SLC8A1: variants seen among roughly 807,000 people sequenced by gnomAD.
SLC8A1 encodes the protein solute carrier family 8 member A1.
Under a neutral mutation model 68.3 loss-of-function variants are expected in SLC8A1, and 18 were observed. The ratio of observed to expected loss-of-function variants is 0.26; its 90% confidence interval spans 0.18 to 0.39. SLC8A1 has a LOEUF of 0.39. Among genes scored for constraint, SLC8A1 ranks in the 10% least tolerant of loss-of-function variants. The probability of loss-of-function intolerance (pLI) is 1.00; values close to 1 mark genes in which losing one functional copy is unlikely to be tolerated. For missense variants in SLC8A1, 985 were observed against 1,156.7 expected (o/e 0.85, Z 2.15); for synonymous variants, 475 against 415.5 (o/e 1.14, Z -1.74).
intron 1 of SLC8A1, among the ~76,000 whole-genome samples, chr2:40,480,177 T>C (rs1368776191): frequency 1.3e-5 from 2 of 152,088 alleles, no homozygotes; most frequent in African/African-American, 2.4e-5. Context: ...CATGAAACAT[T>C]GAAAGAGGAA....
chr2:40,228,890 T>A lies in SLC8A1; in HGVS notation c.1809-51035A>T, dbSNP rs2059313133. Among the ~76,000 whole-genome samples, 3 of 152,180 alleles carry A rather than the reference T, an allele frequency of 2.0e-5. No individual in the cohort carries two copies. The South Asian group carries it at 6.2e-4, about 31-fold the overall frequency. ...CAGAATGTTTTGATTATATGGAAGT[T>A]ATTCACTTTACAGTTCCTTTTGCAA... is the stretch of plus-strand genomic sequence containing the variant. On this transcript the variant is annotated intron_variant, in intron 2 of 7. Coordinates refer to ENST00000406785, the Ensembl canonical transcript of SLC8A1.
At chr2:40,118,904 C>T (rs62150869) in intron 7 of SLC8A1, among the ~76,000 whole-genome samples, 56,221 of 151,752 alleles carry the variant, frequency 0.37, 11,652 homozygotes, top group Middle Eastern at 0.51. Context: ...ATACATTGCA[C>T]ACTGGACTTC....
intron 2 of SLC8A1, among the ~76,000 whole-genome samples, chr2:40,422,306 G>A (rs1695735768): frequency 6.6e-6 from 1 of 152,134 alleles, no homozygotes; most frequent in South Asian, 2.1e-4. Flanking sequence ...AGCCATGGAG[G>A]AAATATGATG....
chr2:40,371,248 G>A (rs773410000), intron 2 of SLC8A1, among the ~76,000 whole-genome samples: 5 of 152,068 alleles, frequency 3.3e-5, no homozygotes, highest in African/African-American at 4.8e-5. Context: ...TAGGGGTTAA[G>A]ATTTTGATAA....
At chr2:40,441,127 C>A (rs894332297) in intron 1 of SLC8A1, among the ~76,000 whole-genome samples, 2 of 152,028 alleles carry the variant, frequency 1.3e-5, no homozygotes, top group Non-Finnish European at 2.9e-5. Context: ...TTCCTATACA[C>A]CAAAAATAGA....
chr2:40,242,629 C>T (rs2061369032), intron 2 of SLC8A1, among the ~76,000 whole-genome samples: 1 of 152,214 alleles, frequency 6.6e-6, no homozygotes, highest in Non-Finnish European at 1.5e-5. Context: ...CACTTCTTTG[C>T]ATTAGGCATC....
intron 1 of SLC8A1, among the ~76,000 whole-genome samples, chr2:40,502,687 A>G (rs1314114809): frequency 6.6e-6 from 1 of 152,076 alleles, no homozygotes; most frequent in Non-Finnish European, 1.5e-5. Flanking sequence ...CAGATTAAGT[A>G]AAGAATACTC....
intron 2 of SLC8A1, chr2:40,254,681 T>A (rs2063594504): frequency 6.6e-6 from 1 of 152,234 alleles, no homozygotes; most frequent in African/African-American, 2.4e-5. Flanking sequence ...TCTAATGCTG[T>A]CTAGTTGATC....
intron 2 of SLC8A1, among the ~76,000 whole-genome samples, chr2:40,343,278 C>T (rs1170445004): frequency 2.0e-5 from 3 of 152,042 alleles, no homozygotes; most frequent in Admixed American, 1.3e-4. Context: ...AACTCACTTC[C>T]ACCTCGTCTT....
chr2:40,505,150 A>C (rs993780989), intron 1 of SLC8A1, among the ~76,000 whole-genome samples: 1 of 152,066 alleles, frequency 6.6e-6, no homozygotes, highest in Admixed American at 6.6e-5. Context: ...CATCAAAAGA[A>C]TTGAACTCAT....
rs746292369 is a variant in SLC8A1 at position 40,347,292 on chromosome 2, A to G, written c.1808+81181T>C. Among the ~76,000 whole-genome samples, 23 of 152,218 alleles carry G rather than the reference A, an allele frequency of 1.5e-4. 1 individual carries two copies. The highest frequency in any genetic ancestry group is 6.5e-5 in the Admixed American group (1 of 15,282). On this transcript the variant is annotated intron_variant, in intron 2 of 7. Transcript: ENST00000406785. ...CTAGGATTACAAGGGTGAAACACCAACCTGGGCCCCTTGCTTCTTCTAAAC... is the reference window on the plus strand; with the variant it reads ...CTAGGATTACAAGGGTGAAACACCAGCCTGGGCCCCTTGCTTCTTCTAAAC...
chr2:40,250,094 T>G (rs2149020272), intron 2 of SLC8A1, among the ~76,000 whole-genome samples: 1 of 152,320 alleles, frequency 6.6e-6, no homozygotes, highest in Non-Finnish European at 1.5e-5. Flanking sequence ...TTCCTTAGCT[T>G]AAATTGTTAA....
At chr2:40,169,829 T>A (rs1368466690) in intron 4 of SLC8A1, among the ~76,000 whole-genome samples, 1 of 152,128 alleles carries the variant, frequency 6.6e-6, no homozygotes, top group Non-Finnish European at 1.5e-5. Flanking sequence ...TAGTCCTAGC[T>A]ACTCAGGAGG....
chr2:40,337,223 A>C (rs941370810), intron 2 of SLC8A1: 3 of 261,902 alleles, frequency 1.1e-5, no homozygotes, highest in African/African-American at 6.5e-5. Context: ...AAATACATTC[A>C]CTGTTTTGAA....
chr2:40,235,936 C>A (rs2060303745), intron 2 of SLC8A1, among the ~76,000 whole-genome samples: 1 of 151,372 alleles, frequency 6.6e-6, no homozygotes, highest in African/African-American at 2.4e-5. Context: ...ATCCTGAGTT[C>A]TAGTTTGATT....
chr2:40,418,930 T>C (rs568561567), intron 2 of SLC8A1, among the ~76,000 whole-genome samples: 1 of 152,236 alleles, frequency 6.6e-6, no homozygotes, highest in African/African-American at 2.4e-5. Flanking sequence ...CAGCTCATCA[T>C]CATTTATTCT....
At chr2:40,228,857 G>A (rs551435755) in intron 2 of SLC8A1, among the ~76,000 whole-genome samples, 6 of 152,272 alleles carry the variant, frequency 3.9e-5, no homozygotes, top group Admixed American at 6.5e-5. Flanking sequence ...TATTGTTAGA[G>A]AAATTTGCAG....
rs1402411358 is a variant in SLC8A1 at position 40,429,415 on chromosome 2, A to G, written c.866T>C (p.Ile289Thr). The change falls in exon 2 of 8, where the codon ATT becomes ACT. Residue 289 changes from isoleucine (I) to threonine (T), a missense_variant. Transcript: ENST00000406785. ...ATTGACCACTTTCCCGTCCATTTCA[A>G]TTTCAGTCTTAGAAGATGGCCTGTC... 1.9e-6 allele frequency: 3 copies of G among 1,613,744 alleles called. No homozygotes were observed. The highest frequency in any genetic ancestry group is 3.3e-5 in the Admixed American group (2 of 59,958).
At chr2:40,129,792 G>A (rs945993999) in intron 7 of SLC8A1, among the ~76,000 whole-genome samples, 1 of 152,174 alleles carries the variant, frequency 6.6e-6, no homozygotes, top group African/African-American at 2.4e-5. Flanking sequence ...AAGTGCCCTT[G>A]CTCTGGCCAA....
Sources: gnomAD v4.1 joint callset for allele counts (sites outside exome capture counted in the v4.1 genomes callset) on GRCh38, gnomAD v4.1.1 for gene constraint, MANE v1.5 for transcripts, NCBI Gene and HGNC (gene_info 2026-07-23, HGNC 2026-07-21) for gene names.